The following NEB variants were observed in gnomAD, a reference collection of about 807,000 sequenced individuals.
The protein encoded by NEB is nebulin, also known as nemaline myopathy type 2.
In NEB, 512 loss-of-function variants were observed where a neutral mutation model predicts 952.2. The observed-to-expected ratio is 0.54, with a 90% CI of 0.50 to 0.58. The LOEUF is 0.58. Ranked by LOEUF, NEB falls within the 20% of genes least tolerant of loss-of-function variation. NEB has a pLI of 0.00. For missense variants in NEB, 8,428 were observed against 9,231.1 expected, an observed-to-expected ratio of 0.91 and a Z score of 3.56; for synonymous variants, 2,900 against 3,149.8, an observed-to-expected ratio of 0.92 and a Z score of 2.66.
chr2:151,555,147 C>T, intron 124 of NEB, 103 bp from the exon 125 acceptor site: 5 of 772,852 alleles, frequency 6.5e-6, no homozygotes, highest in East Asian at 2.6e-5. Flanking sequence ...CTCTGAGATC[C>T]ACCCAGCGTT....
chr2:151,609,285 A>G lies in NEB; in HGVS notation c.12330+524T>C, dbSNP rs377652750. ...TAAAGCACATGGGGTTGACGGGATAAGTGCACGAGATTGTACTTCCAAAAA... is the reference window on the plus strand; with the variant it reads ...TAAAGCACATGGGGTTGACGGGATAGGTGCACGAGATTGTACTTCCAAAAA... On this transcript the variant is annotated intron_variant, in intron 81 of 181. Transcript: ENST00000397345. Among the ~76,000 whole-genome samples, 609 of 152,220 alleles carry G rather than the reference A, an allele frequency of 4.0e-3. 2 individuals carry two copies. Among genetic ancestry groups the G allele is most frequent in the African/African-American group, 0.011 (471 of 41,554 alleles).
At chr2:151,615,743 A>G (rs1013972865) in intron 76 of NEB, 2 of 339,604 alleles carry the variant, frequency 5.9e-6, no homozygotes, top group Non-Finnish European at 5.3e-6. Context: ...CTGAAGCTCA[A>G]AAATATGAAC....
rs375026732 is a variant in NEB, at chr2:151,629,659, A to C, written c.9724-13T>G. ...GTTTGTATAGAGTCTATGAAAAGAA[A>C]GGCAAAGAGTTAAAGCAAAAGGTTT... On this transcript the variant is annotated splice_polypyrimidine_tract_variant and intron_variant, in intron 67 of 181. Transcript: ENST00000397345. 5.6e-6 allele frequency: 9 copies of C among 1,605,748 alleles called. No individual in the cohort carries two copies. The highest frequency in any genetic ancestry group is 7.7e-6 in the Non-Finnish European group (9 of 1,172,762).
In NEB at chr2:151,697,087, T is replaced by C; in HGVS notation, c.1470+61A>G. Reference sequence around the variant, plus strand: ...TGTAAAAGTGGCAACATTTTAAACATATCCTGACCACTAGATGCTATGGAA... The same window carrying C: ...TGTAAAAGTGGCAACATTTTAAACACATCCTGACCACTAGATGCTATGGAA... On this transcript the variant is annotated intron_variant, in intron 16 of 181. Transcript: ENST00000397345. 3.2e-6 allele frequency: 4 copies of C among 1,267,266 alleles called. No individual in the cohort carries two copies. The South Asian group carries it at 4.0e-5, about 13-fold the overall frequency. 78.5% of individuals were successfully genotyped at this position (1,267,266 alleles called of 1,614,324 possible). A position where few individuals can be genotyped will look rare whatever the true frequency, so the allele number is the denominator to read the frequency against.
chr2:151,553,689 A>G (rs1489242340), intron 126 of NEB, 139 bp downstream of exon 126: 1 of 966,046 alleles, frequency 1.0e-6, no homozygotes, highest in African/African-American at 1.7e-5. Flanking sequence ...GACAGCTCTG[A>G]AGTCAAGTTG....
intron 179 of NEB, 84 bp downstream of exon 179, chr2:151,491,599 A>AACT: frequency 8.7e-7 from 1 of 1,153,916 alleles, no homozygotes; most frequent in Non-Finnish European, 1.3e-6. Flanking sequence ...GGAGGGAAGG[A>AACT]ACTTCAGAGC....
At chr2:151,543,834 C>T (rs142325259) in intron 135 of NEB, among the ~76,000 whole-genome samples, 37 of 152,278 alleles carry the variant, frequency 2.4e-4, no homozygotes, top group African/African-American at 8.9e-4. Flanking sequence ...TTATATTTCC[C>T]CTGTACTTAG....
chr2:151,650,102 T>C, intron 54 of NEB, 74 bp downstream of exon 54: 1 of 1,394,308 alleles, frequency 7.2e-7, no homozygotes, highest in Non-Finnish European at 1.0e-6. Flanking sequence ...TCTACTCATT[T>C]ATTAAGCAAG....
intron 32 of NEB, among the ~76,000 whole-genome samples, chr2:151,678,621 C>G (rs7564024): frequency 6.6e-6 from 1 of 151,922 alleles, no homozygotes; most frequent in Non-Finnish European, 1.5e-5. Flanking sequence ...ATGTTAATAT[C>G]AATGATAGTA....
chr2:151,486,913 G>A (rs1194519365), intron 181 of NEB, among the ~76,000 whole-genome samples: 1 of 152,206 alleles, frequency 6.6e-6, no homozygotes, highest in African/African-American at 2.4e-5. Flanking sequence ...TAATTCACCA[G>A]AAGAGTTTTG....
chr2:151,672,722 T>G, intron 36 of NEB, 42 bp from the exon 37 acceptor site: 1 of 1,508,916 alleles, frequency 6.6e-7, no homozygotes, highest in Non-Finnish European at 9.1e-7. Flanking sequence ...TAGGCATTGA[T>G]AGCATTAGCG....
intron 52 of NEB, 141 bp downstream of exon 52, chr2:151,653,851 C>T (rs959588006): frequency 1.7e-5 from 9 of 531,098 alleles, no homozygotes; most frequent in African/African-American, 9.6e-5. Context: ...GAGTGAACTC[C>T]GGATAAATGA....
chr2:151,553,516 A>G lies in NEB; in HGVS notation c.19627-14T>C. ...CTTGTATACAATCTAGAGGGTTTTG[A>G]TAGAAAGGATCAGAAAAAAAAAATT... is the stretch of plus-strand genomic sequence containing the variant. On this transcript the variant is annotated splice_polypyrimidine_tract_variant and intron_variant, in intron 126 of 181. Transcript: ENST00000397345. 2.6e-6 allele frequency: 4 copies of G among 1,565,870 alleles called. No individual in the cohort carries two copies. The South Asian group carries it at 4.6e-5, about 18-fold the overall frequency.
At chr2:151,534,353 T>C in intron 142 of NEB, 2 of 1,570,840 alleles carry the variant, frequency 1.3e-6, no homozygotes, top group Non-Finnish European at 8.7e-7. Context: ...ATAGCAAGAG[T>C]ACAACTTCAA....
intron 63 of NEB, among the ~76,000 whole-genome samples, chr2:151,636,706 G>A (rs1388884790): frequency 2.0e-5 from 3 of 152,076 alleles, no homozygotes; most frequent in African/African-American, 7.2e-5. Flanking sequence ...ACTTGAACCT[G>A]GGAGGCGGAA....
chr2:151,485,951 A>G lies in NEB; in HGVS notation c.25405-18T>C. On this transcript the variant is annotated intron_variant, in intron 181 of 181. Transcript: ENST00000397345. ...AAGATTTTCTATTCGTGGGGATGGA[A>G]AAGGGGAAATATTATATGTTGGATT... The G allele has an allele frequency of 6.2e-7, 1 of 1,612,426 alleles. No homozygotes were observed. Among genetic ancestry groups the G allele is most frequent in the Middle Eastern group, 1.7e-4 (1 of 6,060 alleles).
At chr2:151,717,618 T>G in intron 9 of NEB, 98 bp from the exon 10 acceptor site, 4 of 892,268 alleles carry the variant, frequency 4.5e-6, no homozygotes, top group Non-Finnish European at 7.2e-6. Context: ...TAATTTGTCC[T>G]AGATGTTACA....
intron 12 of NEB, among the ~76,000 whole-genome samples, chr2:151,709,132 C>A (rs1355363041): frequency 6.6e-6 from 1 of 152,158 alleles, no homozygotes; most frequent in Non-Finnish European, 1.5e-5. Context: ...ATGGAAATAT[C>A]CATGGATTTA....
intron 42 of NEB, 82 bp from the exon 43 acceptor site, chr2:151,664,945 C>T: frequency 1.0e-6 from 1 of 1,004,306 alleles, no homozygotes; most frequent in Non-Finnish European, 1.5e-6. Context: ...ATTTACAACT[C>T]CATGGTAAAA....
Sources: allele counts gnomAD v4.1 joint callset (sites outside exome capture counted in the v4.1 genomes callset), GRCh38; gene constraint gnomAD v4.1.1; transcripts MANE v1.5; gene names NCBI Gene and HGNC (gene_info 2026-07-23, HGNC 2026-07-21).